Variants in NKAIN2 observed in about 807,000 individuals in gnomAD.
The protein encoded by NKAIN2 is sodium/potassium-transporting ATPase subunit beta-1-interacting protein 2.
In NKAIN2, 14 loss-of-function variants were observed where a neutral mutation model predicts 32.6. The observed-to-expected ratio is 0.43, with a 90% CI of 0.28 to 0.67. NKAIN2 has a LOEUF of 0.67. NKAIN2 is among the 30% of genes least tolerant of loss of function. The probability of loss-of-function intolerance (pLI) is 0.17; values close to 1 mark genes in which losing one functional copy is unlikely to be tolerated. For synonymous variants in NKAIN2, 80 were observed against 87.2 expected (o/e 0.92, Z 0.46); for missense variants, 198 against 258.3 (o/e 0.77, Z 1.60).
intron 1 of NKAIN2, among the ~76,000 whole-genome samples, chr6:124,155,986 T>G (rs890630911): frequency 5.3e-5 from 8 of 150,590 alleles, no homozygotes; most frequent in African/African-American, 1.7e-4. Flanking sequence ...AAAGGGATAC[T>G]AGGCCCCATT....
intron 3 of NKAIN2, among the ~76,000 whole-genome samples, chr6:124,625,041 C>A (rs1284120636): frequency 6.6e-6 from 1 of 152,104 alleles, no homozygotes; most frequent in Non-Finnish European, 1.5e-5. Flanking sequence ...CTGCATCATT[C>A]ATATATCTAA....
chr6:124,584,674 G>C (rs1024007319), intron 3 of NKAIN2, among the ~76,000 whole-genome samples: 7 of 126,742 alleles, frequency 5.5e-5, no homozygotes, highest in Non-Finnish European at 1.0e-4. Flanking sequence ...AAAAAAAAAA[G>C]ACATACAAAT....
intron 3 of NKAIN2, among the ~76,000 whole-genome samples, chr6:124,618,608 A>G (rs1033736229): frequency 6.6e-6 from 1 of 152,236 alleles, no homozygotes; most frequent in Non-Finnish European, 1.5e-5. Context: ...TCTCCAAATG[A>G]AAAGAGCCAT....
intron 2 of NKAIN2, among the ~76,000 whole-genome samples, chr6:124,303,158 G>T (rs144131310): frequency 6.6e-6 from 1 of 152,294 alleles, no homozygotes; most frequent in African/African-American, 2.4e-5. Context: ...AACTTGTGAA[G>T]ATTACAGACA....
At position 124,005,600 on chromosome 6, in the gene NKAIN2, G is replaced by C. The variant is rs144595105; in HGVS notation, c.54+201346G>C. Among the ~76,000 whole-genome samples, 447 of 152,048 alleles carry C rather than the reference G, an allele frequency of 2.9e-3. 3 individuals carry two copies. The highest frequency in any genetic ancestry group is 9.6e-3 in the African/African-American group (397 of 41,460). ...TATTTTATACTAATTCATGCAAAGT[G>C]CCTACTTTATTTGGCAATAACAAAG... is the stretch of plus-strand genomic sequence containing the variant. On this transcript the variant is annotated intron_variant, in intron 1 of 6. Transcript: ENST00000368417.
chr6:124,644,204 A>C (rs903229425), intron 3 of NKAIN2, among the ~76,000 whole-genome samples: 24 of 152,116 alleles, frequency 1.6e-4, no homozygotes, highest in South Asian at 1.2e-3. Flanking sequence ...GAACTTTCTG[A>C]AGATTTACTA....
intron 2 of NKAIN2, chr6:124,283,396 A>C: frequency 7.3e-6 from 2 of 275,122 alleles, no homozygotes; most frequent in Non-Finnish European, 1.4e-5. Context: ...TCTCATAATT[A>C]CAAGCCAAAC....
chr6:123,874,075 A>C (rs9388286), intron 1 of NKAIN2, among the ~76,000 whole-genome samples: 32,261 of 152,042 alleles, frequency 0.21, 4,120 homozygotes, highest in East Asian at 0.48. Flanking sequence ...ATTGATGCCC[A>C]TTTCATTGTC....
chr6:124,622,726 C>T (rs1451759613), intron 3 of NKAIN2, among the ~76,000 whole-genome samples: 1 of 152,066 alleles, frequency 6.6e-6, no homozygotes, highest in Admixed American at 6.5e-5. Context: ...GGTGGTCTTC[C>T]CCCGGAGTTG....
At chr6:124,449,581 G>A (rs555246443) in intron 3 of NKAIN2, among the ~76,000 whole-genome samples, 8 of 152,022 alleles carry the variant, frequency 5.3e-5, no homozygotes, top group Admixed American at 5.3e-4. Context: ...TCTGAGGCTA[G>A]GACAATAACA....
At chr6:124,558,086 G>T (rs1020706783) in intron 3 of NKAIN2, among the ~76,000 whole-genome samples, 1 of 152,196 alleles carries the variant, frequency 6.6e-6, no homozygotes, top group African/African-American at 2.4e-5. Flanking sequence ...TCAGGAGAAT[G>T]TAGACTAAAT....
At chr6:124,414,155 T>A (rs946032402) in intron 3 of NKAIN2, among the ~76,000 whole-genome samples, 3 of 152,160 alleles carry the variant, frequency 2.0e-5, no homozygotes, top group Non-Finnish European at 4.4e-5. Context: ...AAATAGAATG[T>A]TAGCTGTAAA....
At chr6:124,213,364 G>A (rs184717235) in intron 1 of NKAIN2, among the ~76,000 whole-genome samples, 8 of 152,034 alleles carry the variant, frequency 5.3e-5, no homozygotes, top group Admixed American at 2.0e-4. Flanking sequence ...ATTGGTTCCC[G>A]GAGTCTTAGT....
intron 4 of NKAIN2, among the ~76,000 whole-genome samples, chr6:124,726,897 C>A (rs1267982401): frequency 1.2e-3 from 127 of 106,954 alleles, no homozygotes; most frequent in African/African-American, 1.6e-3. Context: ...GGCTCGAGAA[C>A]TACGTGAAGA....
At chr6:123,975,295 C>T (rs921462769) in intron 1 of NKAIN2, among the ~76,000 whole-genome samples, 1 of 152,028 alleles carries the variant, frequency 6.6e-6, no homozygotes, top group African/African-American at 2.4e-5. Flanking sequence ...TTTTTATTTT[C>T]CTTTTTCCAC....
At chr6:124,790,897 A>G (rs1779717719) in intron 4 of NKAIN2, among the ~76,000 whole-genome samples, 1 of 152,104 alleles carries the variant, frequency 6.6e-6, no homozygotes, top group African/African-American at 2.4e-5. Flanking sequence ...CCCATGCAAC[A>G]AACCACAGAA....
chr6:124,155,801 G>A (rs2114419104), intron 1 of NKAIN2, among the ~76,000 whole-genome samples: 1 of 152,150 alleles, frequency 6.6e-6, no homozygotes, highest in East Asian at 1.9e-4. Context: ...TAAAGCTGAT[G>A]TTTTCAAGGG....
chr6:123,950,505 G>A (rs1032488694), intron 1 of NKAIN2, among the ~76,000 whole-genome samples: 1 of 151,702 alleles, frequency 6.6e-6, no homozygotes, highest in African/African-American at 2.4e-5. Context: ...ATCTACTCAG[G>A]TTTTCTATTT....
At chr6:124,072,655 C>A (rs117922356) in intron 1 of NKAIN2, among the ~76,000 whole-genome samples, 9 of 152,136 alleles carry the variant, frequency 5.9e-5, no homozygotes, top group Non-Finnish European at 1.3e-4. Context: ...CATTTCTATT[C>A]GTAAGCTCCT....
Sources: gnomAD v4.1 joint callset for allele counts (sites outside exome capture counted in the v4.1 genomes callset) on GRCh38, gnomAD v4.1.1 for gene constraint, MANE v1.5 for transcripts, NCBI Gene and HGNC (gene_info 2026-07-23, HGNC 2026-07-21) for gene names.